PHACTR3: variants seen among roughly 807,000 people sequenced by gnomAD.
PHACTR3 encodes protein phosphatase 1, regulatory subunit 123.
In PHACTR3, 16 loss-of-function variants were observed where a neutral mutation model predicts 66.8. That is an observed-to-expected ratio of 0.24 (90% CI 0.16 to 0.36). PHACTR3 has a LOEUF of 0.36. Ranked by LOEUF, PHACTR3 falls within the 10% of genes least tolerant of loss-of-function variation. PHACTR3 has a pLI of 1.00. For synonymous variants in PHACTR3, 323 were observed against 292.1 expected, an observed-to-expected ratio of 1.11 and a Z score of -1.08; for missense variants, 647 against 719.9, an observed-to-expected ratio of 0.90 and a Z score of 1.16.
chr20:59,735,935 G>A (rs1053846135), intron 1 of PHACTR3, among the ~76,000 whole-genome samples: 17 of 152,182 alleles, frequency 1.1e-4, no homozygotes, highest in African/African-American at 3.6e-4. Flanking sequence ...TCAGTGTTCC[G>A]TCAGTCCTAG....
At chr20:59,768,604 GAA>G (rs2040261246) in intron 5 of PHACTR3, among the ~76,000 whole-genome samples, 1 of 152,210 alleles carries the variant, frequency 6.6e-6, no homozygotes, top group Non-Finnish European at 1.5e-5. Flanking sequence ...CAGTTTTCAT[GAA>G]AGAGGGAACT....
chr20:59,664,000 A>T (rs1362409686), intron 1 of PHACTR3, among the ~76,000 whole-genome samples: 1 of 152,242 alleles, frequency 6.6e-6, no homozygotes, highest in Non-Finnish European at 1.5e-5. Flanking sequence ...ACTCTTTAGC[A>T]TAATTTATTG....
chr20:59,761,012 G>T (rs2039976151), intron 4 of PHACTR3, among the ~76,000 whole-genome samples: 2 of 152,040 alleles, frequency 1.3e-5, no homozygotes, highest in South Asian at 4.2e-4. Context: ...GACTGGGTTT[G>T]ATCTTCACCA....
chr20:59,833,601 G>C (rs1436769997), intron 8 of PHACTR3, among the ~76,000 whole-genome samples: 1 of 152,142 alleles, frequency 6.6e-6, no homozygotes, highest in Non-Finnish European at 1.5e-5. Context: ...CTAGCCTCCA[G>C]GGACATTTGG....
chr20:59,591,290 C>T (rs1351040267), intron 1 of PHACTR3, among the ~76,000 whole-genome samples: 1 of 152,220 alleles, frequency 6.6e-6, no homozygotes, highest in Non-Finnish European at 1.5e-5. Context: ...ATCAGAGTCC[C>T]TCCCACGGGG....
intron 7 of PHACTR3, among the ~76,000 whole-genome samples, chr20:59,801,261 G>T (rs546661036): frequency 2.1e-4 from 32 of 152,274 alleles, no homozygotes; most frequent in African/African-American, 7.7e-4. Flanking sequence ...ACTCTCTAGA[G>T]GCAGTAGCTG....
chr20:59,653,800 A>G (rs987993484), intron 1 of PHACTR3, among the ~76,000 whole-genome samples: 2 of 152,202 alleles, frequency 1.3e-5, no homozygotes, highest in Non-Finnish European at 2.9e-5. Flanking sequence ...ATTAATATTC[A>G]TGATATTCTT....
intron 1 of PHACTR3, among the ~76,000 whole-genome samples, chr20:59,614,128 C>A (rs1170045327): frequency 6.6e-6 from 1 of 152,202 alleles, no homozygotes; most frequent in African/African-American, 2.4e-5. Context: ...TGAGGCCTGG[C>A]CCATCCCTAT....
At chr20:59,709,756 C>T (rs778313770) in intron 1 of PHACTR3, among the ~76,000 whole-genome samples, 1 of 151,962 alleles carries the variant, frequency 6.6e-6, no homozygotes, top group African/African-American at 2.4e-5. Context: ...CATGAAGGAC[C>T]TGATGGGAAT....
At chr20:59,841,181 T>A (rs2059053494) in intron 10 of PHACTR3, among the ~76,000 whole-genome samples, 1 of 152,334 alleles carries the variant, frequency 6.6e-6, no homozygotes, top group Non-Finnish European at 1.5e-5. Context: ...CTCCTTCTGA[T>A]AAAATATGTT....
chr20:59,639,267 A>T (rs1032340596), intron 1 of PHACTR3, among the ~76,000 whole-genome samples: 4 of 152,126 alleles, frequency 2.6e-5, no homozygotes, highest in Admixed American at 2.0e-4. Flanking sequence ...GGAAACAAAG[A>T]CATAGTATTT....
intron 1 of PHACTR3, among the ~76,000 whole-genome samples, chr20:59,605,986 G>C (rs545026222): frequency 2.6e-4 from 39 of 152,202 alleles, no homozygotes; most frequent in Non-Finnish European, 5.4e-4. Flanking sequence ...CTGAAATGTA[G>C]GGTTCAAAAA....
At chr20:59,716,753 G>A (rs147770957) in intron 1 of PHACTR3, among the ~76,000 whole-genome samples, 3 of 152,192 alleles carry the variant, frequency 2.0e-5, no homozygotes, top group South Asian at 2.1e-4. Flanking sequence ...ACCAAATTGC[G>A]GGCTTCATGA....
intron 8 of PHACTR3, among the ~76,000 whole-genome samples, chr20:59,814,998 C>G (rs770920904): frequency 5.3e-5 from 8 of 152,098 alleles, no homozygotes; most frequent in Non-Finnish European, 7.3e-5. Flanking sequence ...GAGTTGGGGG[C>G]TGAGTTCCCC....
intron 1 of PHACTR3, among the ~76,000 whole-genome samples, chr20:59,577,842 A>G (rs1050403089): frequency 1.3e-5 from 2 of 152,126 alleles, no homozygotes; most frequent in African/African-American, 4.8e-5. Context: ...TCCCTAAACA[A>G]GGGCAGTGTC....
At chr20:59,678,021 C>G (rs1231842303) in intron 1 of PHACTR3, among the ~76,000 whole-genome samples, 1 of 152,184 alleles carries the variant, frequency 6.6e-6, no homozygotes, top group African/African-American at 2.4e-5. Flanking sequence ...ACTTTCACCC[C>G]ACAAGCTGCA....
intron 1 of PHACTR3, among the ~76,000 whole-genome samples, chr20:59,692,826 A>G (rs2037162217): frequency 6.6e-6 from 1 of 152,208 alleles, no homozygotes; most frequent in Non-Finnish European, 1.5e-5. Context: ...AACTAGAATA[A>G]TGTATGTCAA....
At chr20:59,614,873 G>A (rs1317593349) in intron 1 of PHACTR3, among the ~76,000 whole-genome samples, 13 of 152,104 alleles carry the variant, frequency 8.5e-5, no homozygotes, top group Admixed American at 7.9e-4. Flanking sequence ...CTTAGGCAGC[G>A]TTACTCCTGG....
In PHACTR3 at chr20:59,674,582, CCCCTTCTCCTGTCCCCG is replaced by C; in HGVS notation, c.119-68523_119-68507del. On this transcript the variant is annotated intron_variant, in intron 1 of 12. Transcript: ENST00000371015. Reference sequence around the variant, plus strand: ...TCCTATTCCCCGCTTCTCCTGTTCCCCCCTTCTCCTGTCCCCGCTTCTCCTGTTCCCCCCTTCTCCTG... The same window carrying C: ...TCCTATTCCCCGCTTCTCCTGTTCCCCTTCTCCTGTTCCCCCCTTCTCCTG... Among the ~76,000 whole-genome samples, 22 of 46,088 alleles carry C rather than the reference CCCCTTCTCCTGTCCCCG, an allele frequency of 4.8e-4. 2 individuals are homozygous for C. The highest frequency in any genetic ancestry group is 3.8e-3 in the African/African-American group (21 of 5,464). 30.2% of individuals were successfully genotyped at this position (46,088 alleles called of 152,430 possible).
Sources: gnomAD v4.1 joint callset for allele counts (sites outside exome capture counted in the v4.1 genomes callset) on GRCh38, gnomAD v4.1.1 for gene constraint, MANE v1.5 for transcripts, NCBI Gene and HGNC (gene_info 2026-07-23, HGNC 2026-07-21) for gene names.